Variants in C1orf232 observed in about 807,000 individuals in gnomAD.
The protein encoded by C1orf232 is chromosome 1 open reading frame 230, also known as uncharacterized protein C1orf232.
A neutral mutation model predicts 12.1 loss-of-function variants in C1orf232; 10 were observed. The ratio of observed to expected loss-of-function variants is 0.82; its 90% confidence interval spans 0.51 to 1.40. The LOEUF (loss-of-function observed/expected upper bound fraction) is 1.40, where lower values mean the gene tolerates loss of function less well. Among genes scored for constraint, C1orf232 ranks in the 40% most tolerant of loss-of-function variants. C1orf232 has a pLI of 0.00. For synonymous variants in C1orf232, 36 were observed against 39.8 expected, an observed-to-expected ratio of 0.90 and a Z score of 0.36; for missense variants, 88 against 98.4, an observed-to-expected ratio of 0.89 and a Z score of 0.45.
Position 26,165,913 on chromosome 1 carries a change from A to C in C1orf232, c.179T>G (p.Val60Gly). The change falls in exon 3 of 4, where the codon GTC (valine) becomes GGC (glycine). Residue 60 changes from valine to glycine, a missense_variant. Physicochemically the swap from Val to Gly is moderately radical, Grantham distance 109. Transcript: ENST00000634842. The stretch of plus-strand genomic sequence containing the variant: ...CATTGTCAGCCAGCCTTTCACCCCG[A>C]CCCCCTGAACCTGGGAAAGGGGTTG... ...MSQLARRVQGVGVKGWLTMSS... is the reference protein window; with the variant it reads ...MSQLARRVQGGGVKGWLTMSS... 3.2e-6 allele frequency: 4 copies of C among 1,231,410 alleles called. No individual in the cohort carries two copies. The highest frequency in any genetic ancestry group is 4.0e-6 in the Non-Finnish European group (4 of 987,946). The allele number at this position is 1,231,410 out of a possible 1,614,324, so 76.3% of individuals were successfully genotyped here.
At chr1:26,167,602 G>A (rs2088439664) in intron 1 of C1orf232, among the ~76,000 whole-genome samples, 1 of 152,148 alleles carries the variant, frequency 6.6e-6, no homozygotes, top group Non-Finnish European at 1.5e-5. Context: ...TAGTATTACA[G>A]GCAGAAGCCA....
chr1:26,168,272 C>T, intron 1 of C1orf232, 144 bp downstream of exon 1: 1 of 497,796 alleles, frequency 2.0e-6, no homozygotes, highest in Non-Finnish European at 3.1e-6. Flanking sequence ...TGATGCTGCA[C>T]CATGGTTTTT....
rs2088449741 is a variant in C1orf232 at position 26,168,506 on chromosome 1, AG to A, written c.-8del. ...TCCAGAAGGCCTGGTTCATGGCTGCAGGGGGAAGGGGCCTGGCACGCAAGCA... is the reference window on the plus strand; with the variant it reads ...TCCAGAAGGCCTGGTTCATGGCTGCAGGGGAAGGGGCCTGGCACGCAAGCA... On this transcript the variant is annotated 5_prime_UTR_variant, in exon 1 of 4. Coordinates refer to ENST00000634842, the MANE Select transcript of C1orf232 (RefSeq NM_001364669.2). 1 of 1,231,914 alleles carries A rather than the reference AG, an allele frequency of 8.1e-7. No homozygotes were observed. Among genetic ancestry groups the A allele is most frequent in the South Asian group, 4.1e-5 (1 of 24,318 alleles). The allele number at this position is 1,231,914 out of a possible 1,614,324, so 76.3% of individuals were successfully genotyped here.
chr1:26,165,916 C>T lies in C1orf232; in HGVS notation c.176G>A (p.Gly59Glu). 1 of 1,231,784 alleles carries T rather than the reference C, an allele frequency of 8.1e-7. No individual in the cohort carries two copies. Among genetic ancestry groups the T allele is most frequent in the South Asian group, 4.1e-5 (1 of 24,320 alleles). The allele number at this position is 1,231,784 out of a possible 1,614,324, so 76.3% of individuals were successfully genotyped here. A position where few individuals can be genotyped will look rare whatever the true frequency, so the allele number is the denominator to read the frequency against. Reference sequence around the variant, plus strand: ...TGTCAGCCAGCCTTTCACCCCGACCCCCTGAACCTGGGAAAGGGGTTGGGA... The same window carrying T: ...TGTCAGCCAGCCTTTCACCCCGACCTCCTGAACCTGGGAAAGGGGTTGGGA... ...PMSQLARRVQ[G>E]VGVKGWLTMS... The change falls in exon 3 of 4, where the codon GGG becomes GAG. Residue 59 changes from glycine to glutamate, a missense_variant. Coordinates refer to ENST00000634842, the MANE Select transcript of C1orf232 (RefSeq NM_001364669.2).
In C1orf232 at chr1:26,166,382, G is replaced by A. The variant is rs370733782; in HGVS notation, c.85-264C>T. Among the ~76,000 whole-genome samples the A allele has an allele frequency of 6.5e-4, 99 of 152,090 alleles. No homozygotes were observed. In the South Asian group the frequency reaches 0.018, roughly 28 times the overall value. On this transcript the variant is annotated intron_variant, in intron 1 of 3. Coordinates refer to ENST00000634842, the MANE Select transcript of C1orf232 (RefSeq NM_001364669.2). ...GTCTTGCCGTGGGGTGCAGTGGTGC[G>A]ATCTCGGCTCACTGCAACCTCTGCC...
intron 1 of C1orf232, 68 bp downstream of exon 1, chr1:26,168,345 CCCA>C (rs1351491088): frequency 1.0e-5 from 11 of 1,105,166 alleles, no homozygotes; most frequent in Non-Finnish European, 1.3e-5. Flanking sequence ...TATCCTGTGC[CCCA>C]CTTCATACTG....
At position 26,168,706 on chromosome 1, in the gene C1orf232, C is replaced by CA. The variant is rs1163610159; in HGVS notation, c.-208dup. The CA allele has an allele frequency of 5.1e-6, 2 of 392,194 alleles. No individual in the cohort carries two copies. The highest frequency in any genetic ancestry group is 4.5e-6 in the Non-Finnish European group (1 of 223,008). The allele number at this position is 392,194 out of a possible 1,614,324, so 24.3% of individuals were successfully genotyped here. ...AGGAGTCGGGGAGTGGGGGATGGAACAAGCTTCTGCCACCTTAGCCCCTTG... is the reference window on the plus strand; with the variant it reads ...AGGAGTCGGGGAGTGGGGGATGGAACAAAGCTTCTGCCACCTTAGCCCCTTG... On this transcript the variant is annotated 5_prime_UTR_variant, in exon 1 of 4. It removes the in-frame stop codon of an upstream open reading frame in the 5' UTR. Transcript: ENST00000634842.
chr1:26,164,220 C>T lies in C1orf232; in HGVS notation c.502G>A (p.Gly168Ser), dbSNP rs2088398365. 2.5e-6 allele frequency: 1 copy of T among 398,524 alleles called. No individual in the cohort carries two copies. Among genetic ancestry groups the T allele is most frequent in the Non-Finnish European group, 4.4e-6 (1 of 225,994 alleles). The allele number at this position is 398,524 out of a possible 1,614,324, so 24.7% of individuals were successfully genotyped here. A position where few individuals can be genotyped will look rare whatever the true frequency, so the allele number is the denominator to read the frequency against. Residue 168 changes from glycine (G) to serine (S), a missense_variant, in exon 4 of 4, where the codon GGC (glycine) becomes AGC (serine). Transcript: ENST00000634842. The surrounding 1 kb of genome is among the most constrained non-coding windows in gnomAD (Gnocchi z 4.2). ...TCGGCCAGTTTGTGAGTGAGGAAGC[C>T]CCACTTGAAGCCGGCCACCGGCTCG... is the stretch of plus-strand genomic sequence containing the variant. ...EAEPVAGFKW[G>S]FLTHKLAEMR...
chr1:26,168,428 G>A lies in C1orf232; in HGVS notation c.72C>T (p.Asp24=), dbSNP rs2088449087. The A allele has an allele frequency of 1.4e-5, 17 of 1,231,884 alleles. No homozygotes were observed. Among genetic ancestry groups the A allele is most frequent in the Non-Finnish European group, 1.7e-5 (17 of 988,104 alleles). The allele number at this position is 1,231,884 out of a possible 1,614,324, so 76.3% of individuals were successfully genotyped here. A position where few individuals can be genotyped will look rare whatever the true frequency, so the allele number is the denominator to read the frequency against. The change falls in exon 1 of 4, where the codon GAC becomes GAT. Residue 24 remains aspartate (D), a synonymous_variant. Coordinates refer to ENST00000634842, the MANE Select transcript of C1orf232 (RefSeq NM_001364669.2). ...GGATGGCACCCACCTCCTCTGCCAG[G>A]TCTTCTTCAGATTCCCCACTCAGGG... ...LQTLSGESEE[D]LAEERENPAL...
At chr1:26,166,325 T>G (rs192975577) in intron 1 of C1orf232, among the ~76,000 whole-genome samples, 8 of 149,800 alleles carry the variant, frequency 5.3e-5, no homozygotes, top group Non-Finnish European at 7.4e-5. Context: ...ACCCTTTTTT[T>G]CCTTTGTGTG....
Position 26,166,095 on chromosome 1 carries a change from C to T in C1orf232, c.108G>A (p.Gly36=), listed in dbSNP as rs1487640586. 8.1e-7 allele frequency: 1 copy of T among 1,231,540 alleles called. No homozygotes were observed. The highest frequency in any genetic ancestry group is 1.0e-6 in the Non-Finnish European group (1 of 987,946). The allele number at this position is 1,231,540 out of a possible 1,614,324, so 76.3% of individuals were successfully genotyped here. ...AEERENPALV[G]SETAEPTEET... ...CCTCGGTCGGTTCTGCTGTCTCAGA[C>T]CCCACTAATGCTGGGTTCTCCCTCT... Residue 36 remains glycine, a synonymous_variant, in exon 2 of 4, where the codon GGG becomes GGA. Transcript: ENST00000634842.
At chr1:26,165,578 T>G in intron 3 of C1orf232, 1 of 537,472 alleles carries the variant, frequency 1.9e-6, no homozygotes, top group Non-Finnish European at 2.8e-6. Flanking sequence ...AGCGGATGGG[T>G]CGTGAGAGCC....
chr1:26,165,665 C>T, intron 3 of C1orf232, 161 bp downstream of exon 3: 16 of 1,174,208 alleles, frequency 1.4e-5, no homozygotes, highest in Non-Finnish European at 1.6e-5. Context: ...CCCAGATATG[C>T]TGATTTGGCC....
chr1:26,165,939 G>A lies in C1orf232; in HGVS notation c.169-16C>T. ...CCCCCTGAACCTGGGAAAGGGGTTG[G>A]GAGTCAGGGAGGGGGTCCAGCACAA... On this transcript the variant is annotated splice_polypyrimidine_tract_variant and intron_variant, in intron 2 of 3. Coordinates refer to ENST00000634842, the MANE Select transcript of C1orf232 (RefSeq NM_001364669.2). The A allele has an allele frequency of 8.1e-7, 1 of 1,231,718 alleles. No individual in the cohort carries two copies. The highest frequency in any genetic ancestry group is 1.0e-6 in the Non-Finnish European group (1 of 987,978). 76.3% of individuals were successfully genotyped at this position (1,231,718 alleles called of 1,614,324 possible).
At chr1:26,166,413 T>C (rs888873688) in intron 1 of C1orf232, among the ~76,000 whole-genome samples, 7 of 152,038 alleles carry the variant, frequency 4.6e-5, no homozygotes, top group Non-Finnish European at 8.8e-5. Flanking sequence ...CTGCCTCCCA[T>C]GTTCAAGTGA....
rs1391788383 is a variant in C1orf232, at chr1:26,164,454, G to T, written c.268C>A (p.Pro90Thr). ...LLPSEPCADH[P>T]LAARPPSQAA... Reference sequence around the variant, plus strand: ...TGCGAGGGGGGTCGCGCCGCCAGAGGGCTGCGGGAGAGGGCCGCGGTCAGG... The same window carrying T: ...TGCGAGGGGGGTCGCGCCGCCAGAGTGCTGCGGGAGAGGGCCGCGGTCAGG... Residue 90 changes from proline (P) to threonine (T), a missense_variant and splice_region_variant, in exon 4 of 4, where the codon CCT (proline) becomes ACT (threonine). By Grantham distance (38) the Pro-to-Thr change is conservative. Coordinates refer to ENST00000634842, the MANE Select transcript of C1orf232 (RefSeq NM_001364669.2). The surrounding 1 kb of genome is among the most constrained non-coding windows in gnomAD (Gnocchi z 4.2). The T allele has an allele frequency of 2.6e-6, 1 of 377,592 alleles. No individual in the cohort carries two copies. The highest frequency in any genetic ancestry group is 4.6e-5 in the Admixed American group (1 of 21,876). 23.4% of individuals were successfully genotyped at this position (377,592 alleles called of 1,614,324 possible). A position where few individuals can be genotyped will look rare whatever the true frequency, so the allele number is the denominator to read the frequency against.
chr1:26,164,466 G>C lies in C1orf232; in HGVS notation c.267-11C>G, dbSNP rs752451997. On this transcript the variant is annotated splice_polypyrimidine_tract_variant and intron_variant, in intron 3 of 3. Coordinates refer to ENST00000634842, the MANE Select transcript of C1orf232 (RefSeq NM_001364669.2). This position sits in a 1 kb window ranked among gnomAD's most constrained non-coding sequence, Gnocchi z 4.2. ...CGCGCCGCCAGAGGGCTGCGGGAGA[G>C]GGCCGCGGTCAGGGAAGCGGCCGGG... is the stretch of plus-strand genomic sequence containing the variant. 1 of 377,004 alleles carries C rather than the reference G, an allele frequency of 2.7e-6. No individual in the cohort carries two copies. The highest frequency in any genetic ancestry group is 2.1e-5 in the African/African-American group (1 of 47,728). 23.4% of individuals were successfully genotyped at this position (377,004 alleles called of 1,614,324 possible).
chr1:26,165,579 C>T (rs191783755), intron 3 of C1orf232: 37 of 541,868 alleles, frequency 6.8e-5, no homozygotes, highest in Non-Finnish European at 9.2e-5. Flanking sequence ...GCGGATGGGT[C>T]GTGAGAGCCC....
At chr1:26,168,277 G>T in intron 1 of C1orf232, 139 bp downstream of exon 1, 1 of 524,592 alleles carries the variant, frequency 1.9e-6, no homozygotes, top group Non-Finnish European at 2.9e-6. Flanking sequence ...CTGCACCATG[G>T]TTTTTACCAT....
Sources: gnomAD v4.1 joint callset for allele counts (sites outside exome capture counted in the v4.1 genomes callset) on GRCh38, gnomAD v4.1.1 for gene constraint, Gnocchi (gnomAD v3.1) non-coding constraint, MANE v1.5 for transcripts, NCBI Gene and HGNC (gene_info 2026-07-23, HGNC 2026-07-21) for gene names.